Variants in G3BP2 observed in about 807,000 individuals in gnomAD.
The protein encoded by G3BP2 is ras GTPase-activating protein-binding protein 2.
A neutral mutation model predicts 56.7 loss-of-function variants in G3BP2; 11 were observed. The ratio of observed to expected loss-of-function variants is 0.19; its 90% confidence interval spans 0.12 to 0.32. G3BP2 has a LOEUF of 0.32. Among genes scored for constraint, G3BP2 ranks in the 10% least tolerant of loss-of-function variants. The pLI is 1.00. For missense variants in G3BP2, 340 were observed against 610.9 expected, an observed-to-expected ratio of 0.56 and a Z score of 4.67; for synonymous variants, 165 against 191.6, an observed-to-expected ratio of 0.86 and a Z score of 1.15.
At chr4:75,703,054 C>T (rs913662947) in intron 3 of G3BP2, among the ~76,000 whole-genome samples, 2 of 152,102 alleles carry the variant, frequency 1.3e-5, no homozygotes, top group African/African-American at 2.4e-5. Context: ...TCTTTTGTTG[C>T]GATGCTAAGT....
chr4:75,706,892 C>G (rs573810531), intron 3 of G3BP2, among the ~76,000 whole-genome samples: 26 of 152,136 alleles, frequency 1.7e-4, no homozygotes, highest in African/African-American at 5.8e-4. Context: ...ACAACCTTAA[C>G]AGCAAAAGGG....
At chr4:75,691,909 T>C (rs1186554367) in intron 3 of G3BP2, among the ~76,000 whole-genome samples, 2 of 152,180 alleles carry the variant, frequency 1.3e-5, no homozygotes, top group East Asian at 3.8e-4. Context: ...GATTCTAATA[T>C]GCAGCCCAAA....
intron 3 of G3BP2, among the ~76,000 whole-genome samples, chr4:75,690,366 A>T (rs1393899252): frequency 4.6e-5 from 7 of 151,662 alleles, no homozygotes; most frequent in Non-Finnish European, 8.8e-5. Flanking sequence ...CGGAAGGCAG[A>T]GGTTGCAGTG....
At chr4:75,707,987 T>C (rs1051801774) in intron 3 of G3BP2, among the ~76,000 whole-genome samples, 1 of 152,220 alleles carries the variant, frequency 6.6e-6, no homozygotes, top group Non-Finnish European at 1.5e-5. Flanking sequence ...TCCATGTATA[T>C]GTAATTAACA....
At chr4:75,668,557 C>CA (rs11399888) in intron 1 of G3BP2, among the ~76,000 whole-genome samples, 1,810 of 152,270 alleles carry the variant, frequency 0.012, 35 homozygotes, top group African/African-American at 0.042. Context: ...AGCTACTTAA[C>CA]AAGTAGCCAG....
intron 3 of G3BP2, among the ~76,000 whole-genome samples, chr4:75,718,306 T>C (rs1038066568): frequency 1.3e-5 from 2 of 151,780 alleles, no homozygotes; most frequent in African/African-American, 4.8e-5. Flanking sequence ...GAAACACACC[T>C]GGGTTATACT....
intron 8 of G3BP2, among the ~76,000 whole-genome samples, chr4:75,650,632 A>G (rs542656494): frequency 6.6e-6 from 1 of 152,290 alleles, no homozygotes; most frequent in South Asian, 2.1e-4. Context: ...TCTACTAGTT[A>G]TAAAATGAAT....
At chr4:75,656,294 A>C (rs866330897) in intron 5 of G3BP2, among the ~76,000 whole-genome samples, 2 of 84,620 alleles carry the variant, frequency 2.4e-5, no homozygotes. Context: ...GCTCGGCTCC[A>C]ATTTTTTTTT....
At chr4:75,671,303 T>C (rs1482093935) in intron 1 of G3BP2, among the ~76,000 whole-genome samples, 1 of 152,202 alleles carries the variant, frequency 6.6e-6, no homozygotes, top group African/African-American at 2.4e-5. Flanking sequence ...GGAAAGTCTT[T>C]TTAAAGCAAT....
At chr4:75,648,818 TCACTAGCAGA>T in intron 8 of G3BP2, 77 bp from the exon 9 acceptor site, 1 of 769,652 alleles carries the variant, frequency 1.3e-6, no homozygotes, top group African/African-American at 1.7e-5. Context: ...TAACGACAAG[TCACTAGCAGA>T]CATAACAGTA....
chr4:75,668,405 T>C (rs1265499992), intron 1 of G3BP2, among the ~76,000 whole-genome samples: 1 of 152,158 alleles, frequency 6.6e-6, no homozygotes, highest in Non-Finnish European at 1.5e-5. Context: ...TCCAAAACAA[T>C]CAATCTTAGG....
intron 3 of G3BP2, among the ~76,000 whole-genome samples, chr4:75,658,296 C>A (rs2148987068): frequency 6.6e-6 from 1 of 152,058 alleles, no homozygotes; most frequent in East Asian, 1.9e-4. Context: ...AATATAACAC[C>A]ATGTTTCATA....
chr4:75,679,970 C>G (rs1205835168), intron 3 of G3BP2, among the ~76,000 whole-genome samples: 1 of 152,184 alleles, frequency 6.6e-6, no homozygotes, highest in Non-Finnish European at 1.5e-5. Flanking sequence ...AATATTTCAC[C>G]AGTGTTTATC....
intron 1 of G3BP2, among the ~76,000 whole-genome samples, chr4:75,666,238 T>C (rs1733027010): frequency 2.6e-5 from 4 of 152,180 alleles, no homozygotes; most frequent in Admixed American, 2.6e-4. Context: ...GGAAGGGCAG[T>C]AGAAGTAATA....
chr4:75,678,429 T>C (rs1051024873), intron 3 of G3BP2, among the ~76,000 whole-genome samples: 1 of 152,126 alleles, frequency 6.6e-6, no homozygotes. Flanking sequence ...AGTGTTGAGA[T>C]TACGGGCATG....
intron 3 of G3BP2, chr4:75,695,042 A>G: frequency 4.1e-6 from 2 of 482,630 alleles, no homozygotes; most frequent in Non-Finnish European, 5.4e-6. Context: ...AGAAGACTCA[A>G]CCACTGTAGA....
At chr4:75,706,445 T>C (rs190730817) in intron 3 of G3BP2, among the ~76,000 whole-genome samples, 2 of 152,282 alleles carry the variant, frequency 1.3e-5, no homozygotes, top group East Asian at 1.9e-4. Flanking sequence ...ACTTAGCAGC[T>C]GTGGTGTGAC....
At chr4:75,717,207 T>C (rs7674063) in intron 3 of G3BP2, among the ~76,000 whole-genome samples, 135,884 of 152,110 alleles carry the variant, frequency 0.89, 60,736 homozygotes, top group African/African-American at 0.93. Context: ...CTTTGGGAGG[T>C]TGAGGCGGGT....
rs763827044 is a variant in G3BP2 at position 75,657,029 on chromosome 4, A to G, written c.352-15T>C. ...GGAACAGATCCCTATAGGAAACAACATTTATTCCATAAATATCCAGAAATC... is the reference window on the plus strand; with the variant it reads ...GGAACAGATCCCTATAGGAAACAACGTTTATTCCATAAATATCCAGAAATC... On this transcript the variant is annotated splice_polypyrimidine_tract_variant and intron_variant, in intron 4 of 11. Transcript: ENST00000359707. 2 of 1,044,046 alleles carry G rather than the reference A, an allele frequency of 1.9e-6. No individual in the cohort carries two copies. Among genetic ancestry groups the G allele is most frequent in the Admixed American group, 4.6e-5 (2 of 43,328 alleles). The allele number at this position is 1,044,046 out of a possible 1,614,324, so 64.7% of individuals were successfully genotyped here. A position where few individuals can be genotyped will look rare whatever the true frequency, so the allele number is the denominator to read the frequency against.
Sources: gnomAD v4.1 joint callset for allele counts (sites outside exome capture counted in the v4.1 genomes callset) on GRCh38, gnomAD v4.1.1 for gene constraint, MANE v1.5 for transcripts, NCBI Gene and HGNC (gene_info 2026-07-23, HGNC 2026-07-21) for gene names.